Variants in PCDH17 observed in about 807,000 individuals in gnomAD.
The protein encoded by PCDH17 is protocadherin 17, also known as protocadherin-17.
A neutral mutation model predicts 67.7 loss-of-function variants in PCDH17; 21 were observed. The observed-to-expected ratio is 0.31, with a 90% CI of 0.22 to 0.45. The LOEUF (loss-of-function observed/expected upper bound fraction) is 0.45, where lower values mean the gene tolerates loss of function less well. Among genes scored for constraint, PCDH17 ranks in the 20% least tolerant of loss-of-function variants. The pLI, the probability that PCDH17 is intolerant of heterozygous loss-of-function variation, is 1.00. For synonymous variants in PCDH17, 701 were observed against 656.7 expected (o/e 1.07, Z -1.03); for missense variants, 1,471 against 1,564.8 (o/e 0.94, Z 1.01).
chr13:57,709,162 G>A (rs1039682805), intron 3 of PCDH17, among the ~76,000 whole-genome samples: 2 of 151,260 alleles, frequency 1.3e-5, no homozygotes, highest in Non-Finnish European at 3.0e-5. Context: ...TAAATTAGGT[G>A]ACTGAGTAAA....
chr13:57,678,306 A>G (rs1223595427), intron 3 of PCDH17, among the ~76,000 whole-genome samples: 1 of 151,582 alleles, frequency 6.6e-6, no homozygotes, highest in Non-Finnish European at 1.5e-5. Context: ...GGGGTAGCTA[A>G]GGAAGATATT....
intron 3 of PCDH17, among the ~76,000 whole-genome samples, chr13:57,703,456 T>C (rs902336186): frequency 2.0e-5 from 3 of 152,098 alleles, no homozygotes; most frequent in South Asian, 2.1e-4. Context: ...CAAAAGGAGA[T>C]TGGAGTAAAA....
chr13:57,708,165 A>G (rs1955738500), intron 3 of PCDH17, among the ~76,000 whole-genome samples: 1 of 152,044 alleles, frequency 6.6e-6, no homozygotes, highest in Admixed American at 6.6e-5. Flanking sequence ...TACATTAGAT[A>G]TTGACTACTG....
chr13:57,725,840 C>T lies in PCDH17; in HGVS notation c.*546C>T, dbSNP rs888021913. The T allele has an allele frequency of 2.0e-4, 30 of 152,530 alleles. No individual in the cohort carries two copies. The highest frequency in any genetic ancestry group is 1.6e-3 in the Admixed American group (24 of 15,262). 9.4% of individuals were successfully genotyped at this position (152,530 alleles called of 1,614,324 possible). A position where few individuals can be genotyped will look rare whatever the true frequency, so the allele number is the denominator to read the frequency against. On this transcript the variant is annotated 3_prime_UTR_variant, in exon 4 of 4. Transcript: ENST00000377918. ...AACATTAACACATATTTGTGGTAAA[C>T]ATTTCTGTATAAAGTTACCTGACAC...
intron 1 of PCDH17, 53 bp downstream of exon 1, chr13:57,635,164 T>G: frequency 6.3e-7 from 1 of 1,587,932 alleles, no homozygotes; most frequent in Admixed American, 1.7e-5. Context: ...GTTTTGGAGC[T>G]GTCCTGAAAC....
At chr13:57,652,266 C>A (rs1214548477) in intron 1 of PCDH17, among the ~76,000 whole-genome samples, 1 of 118,974 alleles carries the variant, frequency 8.4e-6, no homozygotes, top group Non-Finnish European at 1.6e-5. Context: ...GCCTGGGCGA[C>A]AGAGCGAGAC....
At chr13:57,682,144 C>T (rs2138049328) in intron 3 of PCDH17, among the ~76,000 whole-genome samples, 1 of 151,910 alleles carries the variant, frequency 6.6e-6, no homozygotes, top group Non-Finnish European at 1.5e-5. Flanking sequence ...ATCCCAAGCC[C>T]TCCCCAGCCA....
At chr13:57,704,381 C>G (rs2138079869) in intron 3 of PCDH17, among the ~76,000 whole-genome samples, 1 of 152,038 alleles carries the variant, frequency 6.6e-6, no homozygotes, top group South Asian at 2.1e-4. Context: ...TGTAGAAAAG[C>G]AAAAGTCTAT....
chr13:57,680,228 T>A (rs1267435720), intron 3 of PCDH17, among the ~76,000 whole-genome samples: 1 of 151,492 alleles, frequency 6.6e-6, no homozygotes, highest in Non-Finnish European at 1.5e-5. Flanking sequence ...ACAAATTACA[T>A]GAGCTTGTAA....
At chr13:57,665,013 G>C (rs943781452) in intron 1 of PCDH17, among the ~76,000 whole-genome samples, 2 of 152,092 alleles carry the variant, frequency 1.3e-5, no homozygotes, top group Admixed American at 1.3e-4. Flanking sequence ...AGTAAAAGAC[G>C]GTTAGGAGTG....
At chr13:57,685,595 A>T (rs1308676544) in intron 3 of PCDH17, among the ~76,000 whole-genome samples, 1 of 152,050 alleles carries the variant, frequency 6.6e-6, no homozygotes, top group Non-Finnish European at 1.5e-5. Flanking sequence ...AATCTACCAT[A>T]TGAATATTAA....
Position 57,638,272 on chromosome 13 carries a change from T to A in PCDH17, c.2565+3161T>A, listed in dbSNP as rs141129049. 3.8e-3 allele frequency among the ~76,000 whole-genome samples: 570 copies of A among 151,984 alleles called. 3 individuals carry two copies. The highest frequency in any genetic ancestry group is 5.0e-3 in the Non-Finnish European group (342 of 67,902). ...ATGAAATCTAAAGTCAAGTAAAGAG[T>A]TTATTACTAGTTCTCAAGAATAACT... On this transcript the variant is annotated intron_variant, in intron 1 of 3. Coordinates refer to ENST00000377918, the MANE Select transcript of PCDH17 (RefSeq NM_001040429.3).
intron 1 of PCDH17, among the ~76,000 whole-genome samples, chr13:57,663,381 G>A (rs34295765): frequency 0.09 from 13,641 of 152,042 alleles, 825 homozygotes; most frequent in Admixed American, 0.14. Context: ...TAAAATTTAT[G>A]AATTATAAAT....
At chr13:57,631,586 A>G (rs1954721070), upstream of PCDH17, among the ~76,000 whole-genome samples, 1 of 152,124 alleles carries the variant, frequency 6.6e-6, no homozygotes, top group African/African-American at 2.4e-5. Context: ...AGAGGCGAAG[A>G]TTTATCTCTC....
chr13:57,640,102 CA>C (rs1954871748), intron 1 of PCDH17, among the ~76,000 whole-genome samples: 2 of 151,958 alleles, frequency 1.3e-5, no homozygotes, highest in Admixed American at 1.3e-4. Context: ...AAAAAACCTT[CA>C]AAAATTTCAG....
At chr13:57,684,912 A>T (rs1955492137) in intron 3 of PCDH17, among the ~76,000 whole-genome samples, 1 of 151,970 alleles carries the variant, frequency 6.6e-6, no homozygotes, top group Non-Finnish European at 1.5e-5. Context: ...CTTCTAACAT[A>T]ACCAAATTTT....
At chr13:57,685,667 G>A (rs1261714511) in intron 3 of PCDH17, among the ~76,000 whole-genome samples, 1 of 152,032 alleles carries the variant, frequency 6.6e-6, no homozygotes, top group Non-Finnish European at 1.5e-5. Flanking sequence ...ACCTGTGGGT[G>A]TGTGGTTTGT....
At chr13:57,699,325 A>G (rs372765135) in intron 3 of PCDH17, among the ~76,000 whole-genome samples, 1 of 152,032 alleles carries the variant, frequency 6.6e-6, no homozygotes, top group Non-Finnish European at 1.5e-5. Flanking sequence ...AGTTTCTTTT[A>G]ATTTCCTGAA....
intron 1 of PCDH17, among the ~76,000 whole-genome samples, chr13:57,663,181 A>T (rs553473816): frequency 1.3e-5 from 2 of 152,130 alleles, no homozygotes; most frequent in African/African-American, 4.8e-5. Context: ...TTAATGATAA[A>T]CAAATCATCA....
Sources: allele counts gnomAD v4.1 joint callset (sites outside exome capture counted in the v4.1 genomes callset), GRCh38; gene constraint gnomAD v4.1.1; transcripts MANE v1.5; gene names NCBI Gene and HGNC (gene_info 2026-07-23, HGNC 2026-07-21).